MYO1E: variants seen among roughly 807,000 people sequenced by gnomAD.
MYO1E encodes the protein unconventional myosin-Ie.
MYO1E carries 68 observed loss-of-function variants against 151.1 expected under a neutral mutation model. The ratio of observed to expected loss-of-function variants is 0.45; its 90% CI spans 0.37 to 0.55. MYO1E has a LOEUF of 0.55. Among genes scored for constraint, MYO1E ranks in the 20% least tolerant of loss-of-function variants. The probability of loss-of-function intolerance (pLI) is 0.00; values close to 1 mark genes in which losing one functional copy is unlikely to be tolerated. For synonymous variants in MYO1E, 601 were observed against 501.7 expected (o/e 1.20, Z -2.64); for missense variants, 1,363 against 1,389.3 (o/e 0.98, Z 0.30).
chr15:59,241,415 G>T (rs2080098992), intron 4 of MYO1E, among the ~76,000 whole-genome samples: 1 of 152,236 alleles, frequency 6.6e-6, no homozygotes, highest in Non-Finnish European at 1.5e-5. Context: ...CAATTGGCTG[G>T]GTGCAGTGGC....
At chr15:59,275,117 G>A (rs549355982) in intron 1 of MYO1E, among the ~76,000 whole-genome samples, 5 of 152,278 alleles carry the variant, frequency 3.3e-5, no homozygotes, top group South Asian at 2.1e-4. Context: ...GATGTGAACC[G>A]AAGATTCGAT....
intron 19 of MYO1E, among the ~76,000 whole-genome samples, chr15:59,177,923 C>T (rs556397420): frequency 3.0e-4 from 45 of 152,362 alleles, no homozygotes; most frequent in African/African-American, 9.9e-4. Flanking sequence ...CTGCACCTTC[C>T]AGGAGGAATC....
Position 59,157,624 on chromosome 15 carries a change from C to A in MYO1E, c.2878+663G>T, listed in dbSNP as rs75924997. Reference sequence around the variant, plus strand: ...GTCACTAAGCAGCCATCTTGTTATTCATAATGGCCCCAGGAAGCTGGCAAT... The same window carrying A: ...GTCACTAAGCAGCCATCTTGTTATTAATAATGGCCCCAGGAAGCTGGCAAT... On this transcript the variant is annotated intron_variant, in intron 25 of 27. Coordinates refer to ENST00000288235, the MANE Select transcript of MYO1E (RefSeq NM_004998.4). Among the ~76,000 whole-genome samples, 508 of 152,312 alleles carry A rather than the reference C, an allele frequency of 3.3e-3. 4 individuals carry two copies. The highest frequency in any genetic ancestry group is 0.012 in the African/African-American group (479 of 41,558).
chr15:59,213,531 T>C (rs1314972426), intron 12 of MYO1E, among the ~76,000 whole-genome samples: 1 of 151,972 alleles, frequency 6.6e-6, no homozygotes, highest in East Asian at 1.9e-4. Context: ...AGTGGTGTGA[T>C]GATATAAGCC....
intron 1 of MYO1E, among the ~76,000 whole-genome samples, chr15:59,335,141 T>A (rs780229732): frequency 6.6e-6 from 1 of 152,230 alleles, no homozygotes; most frequent in Admixed American, 6.5e-5. Flanking sequence ...CTAAGCCTAC[T>A]CAGAATAATC....
chr15:59,293,652 A>G (rs2080432697), intron 1 of MYO1E, among the ~76,000 whole-genome samples: 6 of 152,242 alleles, frequency 3.9e-5, no homozygotes. Context: ...ACATATGTAC[A>G]GTGTTGTTTT....
intron 9 of MYO1E, among the ~76,000 whole-genome samples, chr15:59,220,849 G>A (rs1401595027): frequency 9.0e-6 from 1 of 111,208 alleles, no homozygotes; most frequent in African/African-American, 2.6e-5. Flanking sequence ...CAGCACTTCC[G>A]GAGGCCAAGG....
At chr15:59,291,412 T>A (rs1434228182) in intron 1 of MYO1E, among the ~76,000 whole-genome samples, 3 of 152,128 alleles carry the variant, frequency 2.0e-5, no homozygotes, top group African/African-American at 7.2e-5. Context: ...TCACCGATTG[T>A]TTGTTGGTGT....
chr15:59,311,523 G>C (rs1371254164), intron 1 of MYO1E, among the ~76,000 whole-genome samples: 2 of 152,128 alleles, frequency 1.3e-5, no homozygotes, highest in African/African-American at 4.8e-5. Context: ...CCAGAAGTTT[G>C]GGCAGTTCTG....
chr15:59,361,407 T>C (rs970030486), intron 1 of MYO1E, among the ~76,000 whole-genome samples: 1 of 152,216 alleles, frequency 6.6e-6, no homozygotes. Flanking sequence ...AATGGCTCTT[T>C]ACACAATAGT....
chr15:59,312,475 C>T (rs1176525862), intron 1 of MYO1E, among the ~76,000 whole-genome samples: 1 of 152,182 alleles, frequency 6.6e-6, no homozygotes, highest in Admixed American at 6.5e-5. Context: ...GCTGTCACTA[C>T]TGCTGTGAAA....
At chr15:59,360,358 G>GAA (rs554470838) in intron 1 of MYO1E, among the ~76,000 whole-genome samples, 1 of 148,186 alleles carries the variant, frequency 6.7e-6, no homozygotes, top group Non-Finnish European at 1.5e-5. Context: ...CAACCAAGGG[G>GAA]AAAAAAAAAA....
chr15:59,144,057 G>C (rs2079426542), intron 26 of MYO1E, among the ~76,000 whole-genome samples: 1 of 152,172 alleles, frequency 6.6e-6, no homozygotes, highest in Admixed American at 6.5e-5. Context: ...AGGGGGACGT[G>C]GGCTTGAGTC....
intron 18 of MYO1E, among the ~76,000 whole-genome samples, chr15:59,187,108 C>G (rs1245818902): frequency 1.3e-5 from 2 of 152,178 alleles, no homozygotes; most frequent in Non-Finnish European, 2.9e-5. Flanking sequence ...AGTTAAACCT[C>G]CGCTCTTCCT....
intron 19 of MYO1E, 113 bp downstream of exon 19, chr15:59,178,280 A>C (rs1053401511): frequency 6.3e-5 from 86 of 1,359,676 alleles, no homozygotes; most frequent in Non-Finnish European, 8.4e-5. Flanking sequence ...TTGAGGAGAC[A>C]ACATTGATGG....
chr15:59,299,968 C>A (rs1473168725), intron 1 of MYO1E, among the ~76,000 whole-genome samples: 1 of 152,200 alleles, frequency 6.6e-6, no homozygotes, highest in African/African-American at 2.4e-5. Context: ...ATACCATCTC[C>A]TATCTGGCAA....
intron 1 of MYO1E, among the ~76,000 whole-genome samples, chr15:59,279,546 A>G (rs1450979327): frequency 1.3e-5 from 2 of 152,136 alleles, no homozygotes; most frequent in African/African-American, 4.8e-5. Flanking sequence ...GTGTCACACA[A>G]ATCAGTCAAC....
At chr15:59,264,791 T>A (rs79910575) in intron 2 of MYO1E, 1 of 152,252 alleles carries the variant, frequency 6.6e-6, no homozygotes, top group Non-Finnish European at 1.5e-5. Flanking sequence ...GAGAATAAGG[T>A]GGGTGGACCC....
chr15:59,248,901 T>C (rs2080147262), intron 4 of MYO1E, among the ~76,000 whole-genome samples: 1 of 152,206 alleles, frequency 6.6e-6, no homozygotes, highest in Non-Finnish European at 1.5e-5. Context: ...CTTCGTGGAC[T>C]GTGTTCCAGG....
Sources: gnomAD v4.1 joint callset for allele counts (sites outside exome capture counted in the v4.1 genomes callset) on GRCh38, gnomAD v4.1.1 for gene constraint, MANE v1.5 for transcripts, NCBI Gene and HGNC (gene_info 2026-07-23, HGNC 2026-07-21) for gene names.